The following ATXN3 variants were observed in gnomAD, a reference collection of about 807,000 sequenced individuals.
ATXN3 encodes ataxin 3.
A neutral mutation model predicts 58.2 loss-of-function variants in ATXN3; 28 were observed. The observed-to-expected ratio is 0.48, with a 90% CI of 0.36 to 0.66. The LOEUF is 0.66. ATXN3 is among the 30% of genes least tolerant of loss of function. ATXN3 has a pLI of 0.00. For synonymous variants in ATXN3, 113 were observed against 138.5 expected (o/e 0.82, Z 1.29); for missense variants, 321 against 422.1 (o/e 0.76, Z 2.10).
chr14:92,106,184 G>A (rs1431240940), intron 1 of ATXN3, among the ~76,000 whole-genome samples: 3 of 152,180 alleles, frequency 2.0e-5, no homozygotes. Flanking sequence ...GGAGAGGGAA[G>A]GATTGGGGAG....
chr14:92,055,605 C>A (rs1396824281), downstream of ATXN3, among the ~76,000 whole-genome samples: 1 of 152,154 alleles, frequency 6.6e-6, no homozygotes, highest in South Asian at 2.1e-4. The surrounding 1 kb of genome is among the most constrained non-coding windows in gnomAD (Gnocchi z 4.5). Flanking sequence ...TGGAATTATA[C>A]ACTATTAATC....
intron 6 of ATXN3, among the ~76,000 whole-genome samples, chr14:92,085,669 G>A (rs2140875881): frequency 6.6e-6 from 1 of 152,284 alleles, no homozygotes; most frequent in African/African-American, 2.4e-5. Context: ...TGGATAGCAT[G>A]GATAGAGAGA....
chr14:92,093,001 T>A (rs995284118), intron 5 of ATXN3, among the ~76,000 whole-genome samples: 1 of 151,326 alleles, frequency 6.6e-6, no homozygotes, highest in Admixed American at 6.6e-5. Context: ...TAAGCTGGAA[T>A]TACAGATGTG....
intron 9 of ATXN3, among the ~76,000 whole-genome samples, chr14:92,073,239 T>C (rs545929028): frequency 2.9e-4 from 44 of 152,354 alleles, no homozygotes; most frequent in African/African-American, 7.2e-4. Flanking sequence ...TGAAACAATG[T>C]AGACACCTTC....
intron 8 of ATXN3, 32 bp from the exon 9 acceptor site, chr14:92,081,093 A>C: frequency 1.4e-6 from 2 of 1,401,024 alleles, no homozygotes; most frequent in Non-Finnish European, 2.0e-6. Flanking sequence ...ACAAAAACCA[A>C]TCACTGTATT....
chr14:92,056,602 A>G (rs2140165730), downstream of ATXN3, among the ~76,000 whole-genome samples: 1 of 152,232 alleles, frequency 6.6e-6, no homozygotes, highest in African/African-American at 2.4e-5. Context: ...GGGGCTGGGG[A>G]AGGGAGGAAG....
In ATXN3 at chr14:92,062,861, G is replaced by C. The variant is rs1440061668; in HGVS notation, c.*1459C>G. The C allele has an allele frequency of 2.0e-5, 3 of 152,462 alleles. No homozygotes were observed. Among genetic ancestry groups the C allele is most frequent in the South Asian group, 2.1e-4 (1 of 4,826 alleles). The allele number at this position is 152,462 out of a possible 1,614,324, so 9.4% of individuals were successfully genotyped here. The stretch of plus-strand genomic sequence containing the variant: ...AATGTGTGCAGCCACACACCAGGAG[G>C]GCAATATACCATATTATAATTTTCG... On this transcript the variant is annotated 3_prime_UTR_variant, in exon 11 of 11. Transcript: ENST00000644486.
intron 6 of ATXN3, among the ~76,000 whole-genome samples, chr14:92,084,486 G>C (rs2062013387): frequency 6.6e-6 from 1 of 152,052 alleles, no homozygotes; most frequent in African/African-American, 2.4e-5. Context: ...CAGAAATCCA[G>C]GGTTTCCCCA....
chr14:92,071,078 A>T (rs950910749), intron 9 of ATXN3, 25 bp from the exon 10 acceptor site: 1 of 1,234,272 alleles, frequency 8.1e-7, no homozygotes, highest in African/African-American at 2.4e-5. Flanking sequence ...AGTGAAGTAT[A>T]TTTAAAAAAC....
At chr14:92,053,488 CTTTCT>C, upstream of ATXN3, among the ~76,000 whole-genome samples, 1 of 145,664 alleles carries the variant, frequency 6.9e-6, no homozygotes, top group African/African-American at 2.5e-5. Context: ...TTTTTTCTTT[CTTTCT>C]TTTTTTTTTT....
intron 6 of ATXN3, among the ~76,000 whole-genome samples, chr14:92,085,645 A>T (rs2062301991): frequency 6.6e-6 from 1 of 152,192 alleles, no homozygotes; most frequent in Middle Eastern, 3.2e-3. Context: ...CCCTTATGGA[A>T]ATGGAAAACC....
At chr14:92,096,993 C>T (rs1270139729) in intron 1 of ATXN3, 155 bp from the exon 2 acceptor site, 24 of 615,612 alleles carry the variant, frequency 3.9e-5, no homozygotes, top group Non-Finnish European at 5.9e-5. Flanking sequence ...CTGCAAGCTC[C>T]GCCACCCGGG....
intron 6 of ATXN3, among the ~76,000 whole-genome samples, chr14:92,085,028 C>T (rs1403060205): frequency 2.0e-5 from 3 of 151,928 alleles, no homozygotes; most frequent in African/African-American, 7.3e-5. Context: ...AGAGTTTAGA[C>T]GGTTTAATGT....
intron 10 of ATXN3, among the ~76,000 whole-genome samples, chr14:92,068,160 A>G (rs145423020): frequency 3.6e-4 from 55 of 152,292 alleles, no homozygotes; most frequent in Non-Finnish European, 7.2e-4. Context: ...CACTGACACC[A>G]TGTGAAAGGA....
In ATXN3 at chr14:92,064,459, T is replaced by C. The variant is rs776597067; in HGVS notation, c.992-45A>G. 6.3e-6 allele frequency: 9 copies of C among 1,436,566 alleles called. No homozygotes were observed. In the Admixed American group the frequency reaches 1.3e-4, roughly 21 times the overall value. The allele number at this position is 1,436,566 out of a possible 1,614,324, so 89.0% of individuals were successfully genotyped here. On this transcript the variant is annotated intron_variant, in intron 10 of 10. Transcript: ENST00000644486. The stretch of plus-strand genomic sequence containing the variant: ...CATTTCTTTAAAATTTCCAGAAAAT[T>C]CTCAAAGTCATCAAAAGGCAAGTTC...
intron 10 of ATXN3, among the ~76,000 whole-genome samples, chr14:92,066,919 G>A (rs1249105267): frequency 6.6e-6 from 1 of 151,980 alleles, no homozygotes; most frequent in Non-Finnish European, 1.5e-5. Flanking sequence ...ATAGGTGCGT[G>A]CCACCACACC....
chr14:92,073,374 G>A (rs1210514614), intron 9 of ATXN3, among the ~76,000 whole-genome samples: 1 of 152,070 alleles, frequency 6.6e-6, no homozygotes, highest in Non-Finnish European at 1.5e-5. Flanking sequence ...TTACAAGTAG[G>A]ATTCTGGTTA....
At chr14:92,093,385 ATAT>A (rs2064350418) in intron 4 of ATXN3, 67 bp from the exon 5 acceptor site, 3 of 777,550 alleles carry the variant, frequency 3.9e-6, no homozygotes, top group Non-Finnish European at 4.1e-6. Context: ...CTACTGGCAA[ATAT>A]TATATAAAAT....
At chr14:92,072,629 C>A (rs2059624110) in intron 9 of ATXN3, among the ~76,000 whole-genome samples, 1 of 107,630 alleles carries the variant, frequency 9.3e-6, no homozygotes. Flanking sequence ...TATGTAAATA[C>A]AAACACAGAA....
Sources: gnomAD v4.1 joint callset for allele counts (sites outside exome capture counted in the v4.1 genomes callset) on GRCh38, gnomAD v4.1.1 for gene constraint, Gnocchi (gnomAD v3.1) non-coding constraint, MANE v1.5 for transcripts, NCBI Gene and HGNC (gene_info 2026-07-23, HGNC 2026-07-21) for gene names.